The following SPIDR variants were observed in gnomAD, a reference collection of about 807,000 sequenced individuals.
SPIDR encodes the protein DNA repair-scaffolding protein.
SPIDR carries 93 observed loss-of-function variants against 104.6 expected under a neutral mutation model. The observed-to-expected ratio is 0.89, with a 90% CI of 0.75 to 1.06. SPIDR has a LOEUF of 1.06. Ranked by LOEUF, SPIDR falls within the 50% of genes least tolerant of loss-of-function variation. SPIDR has a pLI of 0.00. For missense variants in SPIDR, 1,154 were observed against 1,111.2 expected (o/e 1.04, Z -0.55); for synonymous variants, 431 against 416.9 (o/e 1.03, Z -0.41).
chr8:47,729,967 C>T lies in SPIDR; in HGVS notation c.2604+502C>T, dbSNP rs1302788383. ...CTCTTGACCTCAGGTGATCCTCCAA[C>T]CTTGGCCTCCCAAAGTGATGGGATT... is the stretch of plus-strand genomic sequence containing the variant. On this transcript the variant is annotated intron_variant, in intron 19 of 19. Transcript: ENST00000297423. Among the ~76,000 whole-genome samples the T allele has an allele frequency of 2.0e-5, 3 of 152,208 alleles. No homozygotes were observed. The East Asian group carries it at 5.8e-4, about 29-fold the overall frequency.
At chr8:47,339,217 G>GA (rs2050287999) in intron 5 of SPIDR, among the ~76,000 whole-genome samples, 2 of 152,066 alleles carry the variant, frequency 1.3e-5, no homozygotes, top group African/African-American at 4.8e-5. Flanking sequence ...GCCTTTTTTA[G>GA]AAAAAACAAA....
chr8:47,398,951 C>G (rs2061545043), intron 6 of SPIDR, among the ~76,000 whole-genome samples: 1 of 152,156 alleles, frequency 6.6e-6, no homozygotes, highest in Non-Finnish European at 1.5e-5. Flanking sequence ...CGGTGAAAGG[C>G]AGGGTGTGCA....
In SPIDR at chr8:47,396,510, G is replaced by C; in HGVS notation, c.660G>C (p.Met220Ile). 1 of 1,614,064 alleles carries C rather than the reference G, an allele frequency of 6.2e-7. No homozygotes were observed. Among genetic ancestry groups the C allele is most frequent in the Non-Finnish European group, 8.5e-7 (1 of 1,180,006 alleles). Residue 220 changes from methionine (M) to isoleucine (I), a missense_variant, in exon 6 of 20, where the codon ATG becomes ATC. Transcript: ENST00000297423. ...VQFASDARQI[M>I]ERLIDPRTKS... ...TTGCATCGGATGCAAGACAGATTAT[G>C]GAGAGACTGATAGATCCAAGGACAA... is the stretch of plus-strand genomic sequence containing the variant.
intron 5 of SPIDR, among the ~76,000 whole-genome samples, chr8:47,296,731 T>A (rs1016676361): frequency 1.1e-4 from 16 of 152,040 alleles, no homozygotes; most frequent in Admixed American, 6.6e-5. Flanking sequence ...CCATTTGGGG[T>A]TTTTTGTGGT....
At chr8:47,603,826 A>C (rs995829753) in intron 10 of SPIDR, among the ~76,000 whole-genome samples, 2 of 152,236 alleles carry the variant, frequency 1.3e-5, no homozygotes, top group African/African-American at 4.8e-5. Context: ...TCTTCAGACA[A>C]AAAGCTGGAG....
intron 10 of SPIDR, among the ~76,000 whole-genome samples, chr8:47,660,001 C>T (rs569548199): frequency 2.0e-4 from 30 of 152,354 alleles, no homozygotes; most frequent in African/African-American, 5.3e-4. Context: ...CACACGTTTG[C>T]TGTGCTCTCG....
Position 47,679,462 on chromosome 8 carries a change from A to G in SPIDR, c.1685+5521A>G, listed in dbSNP as rs371593097. ...CTGTGCCAGGTGCCCACCTGCCCCC[A>G]TCCGCTCCTGTGCTGGCCTGTGTCA... On this transcript the variant is annotated intron_variant, in intron 11 of 19. Coordinates refer to ENST00000297423, the MANE Select transcript of SPIDR (RefSeq NM_001080394.4). Among the ~76,000 whole-genome samples the G allele has an allele frequency of 1.0e-3, 39 of 37,388 alleles. 1 individual carries two copies. In the East Asian group the frequency reaches 0.018, roughly 18 times the overall value. 24.5% of individuals were successfully genotyped at this position (37,388 alleles called of 152,430 possible).
intron 10 of SPIDR, among the ~76,000 whole-genome samples, chr8:47,661,787 T>C (rs1160912389): frequency 2.6e-5 from 4 of 152,220 alleles, no homozygotes; most frequent in Non-Finnish European, 5.9e-5. Context: ...TGAAAGGACT[T>C]CTAGAGAATA....
At chr8:47,531,282 C>G (rs1264629152) in intron 8 of SPIDR, among the ~76,000 whole-genome samples, 1 of 152,196 alleles carries the variant, frequency 6.6e-6, no homozygotes, top group Non-Finnish European at 1.5e-5. Flanking sequence ...ATCAATGTCA[C>G]ACTGTCTTCT....
At chr8:47,718,142 C>T (rs1188704107) in intron 16 of SPIDR, among the ~76,000 whole-genome samples, 1 of 152,134 alleles carries the variant, frequency 6.6e-6, no homozygotes, top group Non-Finnish European at 1.5e-5. Context: ...TGCTTTTATT[C>T]CAAGGTTTGA....
At chr8:47,335,581 G>C (rs528170159) in intron 5 of SPIDR, among the ~76,000 whole-genome samples, 1 of 152,282 alleles carries the variant, frequency 6.6e-6, no homozygotes, top group East Asian at 1.9e-4. Context: ...CTCCCGAGTA[G>C]CTAGGATTAC....
At chr8:47,362,969 G>A (rs1345678269) in intron 5 of SPIDR, among the ~76,000 whole-genome samples, 6 of 151,262 alleles carry the variant, frequency 4.0e-5, no homozygotes, top group African/African-American at 7.3e-5. Flanking sequence ...CTTTTTTCTG[G>A]CCAACATCGC....
At chr8:47,676,128 T>G (rs1188703985) in intron 11 of SPIDR, among the ~76,000 whole-genome samples, 1 of 152,264 alleles carries the variant, frequency 6.6e-6, no homozygotes, top group Non-Finnish European at 1.5e-5. Context: ...CATTCTTCTT[T>G]ATAGCCATAC....
intron 8 of SPIDR, among the ~76,000 whole-genome samples, chr8:47,562,487 C>T (rs924835118): frequency 6.6e-5 from 10 of 152,090 alleles, no homozygotes; most frequent in Non-Finnish European, 1.3e-4. Context: ...TCCTCTGCAC[C>T]CTCGGCCCCC....
At chr8:47,498,177 C>G (rs570661076) in intron 8 of SPIDR, among the ~76,000 whole-genome samples, 71 of 152,308 alleles carry the variant, frequency 4.7e-4, no homozygotes, top group African/African-American at 1.7e-3. Context: ...TGATGCCTCT[C>G]TCTCTCTGTC....
At chr8:47,726,516 T>C (rs2084260004) in intron 16 of SPIDR, among the ~76,000 whole-genome samples, 1 of 152,188 alleles carries the variant, frequency 6.6e-6, no homozygotes, top group South Asian at 2.1e-4. Context: ...AATCAGACCA[T>C]CCCAATCCCC....
intron 5 of SPIDR, among the ~76,000 whole-genome samples, chr8:47,327,325 A>G (rs1554600944): frequency 6.6e-6 from 1 of 150,666 alleles, no homozygotes; most frequent in Admixed American, 6.6e-5. Context: ...TATATTCTGG[A>G]TACTAGACCC....
In SPIDR at chr8:47,293,782, G is replaced by C; in HGVS notation, c.362-85G>C. On this transcript the variant is annotated intron_variant, in intron 4 of 19. Transcript: ENST00000297423. The stretch of plus-strand genomic sequence containing the variant: ...TTTTTTAAAATTATTGAGTGACATG[G>C]ATATATTAACTGCTAAGAATAAAAG... 31 of 1,348,326 alleles carry C rather than the reference G, an allele frequency of 2.3e-5. No individual in the cohort carries two copies. In the South Asian group the frequency reaches 4.1e-4, roughly 18 times the overall value. The allele number at this position is 1,348,326 out of a possible 1,614,324, so 83.5% of individuals were successfully genotyped here. A position where few individuals can be genotyped will look rare whatever the true frequency, so the allele number is the denominator to read the frequency against.
intron 8 of SPIDR, among the ~76,000 whole-genome samples, chr8:47,584,420 G>A (rs368060595): frequency 6.6e-6 from 1 of 152,280 alleles, no homozygotes; most frequent in East Asian, 1.9e-4. Context: ...AAACTTGCTT[G>A]TATCTGTTTT....
Sources: allele counts gnomAD v4.1 joint callset (sites outside exome capture counted in the v4.1 genomes callset), GRCh38; gene constraint gnomAD v4.1.1; transcripts MANE v1.5; gene names NCBI Gene and HGNC (gene_info 2026-07-23, HGNC 2026-07-21).